CLEC2D: variants seen among roughly 807,000 people sequenced by gnomAD.
CLEC2D encodes the protein C-type lectin domain family 2 member D, also known as C-type lectin related f.
In CLEC2D, 16 loss-of-function variants were observed where a neutral mutation model predicts 20.0. The ratio of observed to expected loss-of-function variants is 0.80; its 90% CI spans 0.54 to 1.22. The LOEUF (loss-of-function observed/expected upper bound fraction) is 1.22. CLEC2D is among the 50% of genes most tolerant of loss of function. CLEC2D has a pLI of 0.00. For missense variants in CLEC2D, 207 were observed against 221.5 expected, an observed-to-expected ratio of 0.93 and a Z score of 0.42; for synonymous variants, 77 against 71.1, an observed-to-expected ratio of 1.08 and a Z score of -0.42.
chr12:9,674,677 TTAATG>T (rs1367772713), intron 1 of CLEC2D, among the ~76,000 whole-genome samples: 1 of 152,266 alleles, frequency 6.6e-6, no homozygotes, highest in Non-Finnish European at 1.5e-5. Flanking sequence ...TGTTAATGTT[TTAATG>T]TAACACTTAA....
At chr12:9,672,171 A>G (rs1865437304) in intron 1 of CLEC2D, among the ~76,000 whole-genome samples, 1 of 17,362 alleles carries the variant, frequency 5.8e-5, no homozygotes, top group South Asian at 0.024. Flanking sequence ...GAGCACATGC[A>G]TAAGAAAGAG....
rs1188269405 is a variant in CLEC2D, at chr12:9,694,827, TAC to T, written c.533_534del (p.Thr178ArgfsTer35). On this transcript the variant is annotated frameshift_variant, in exon 5 of 5. Coordinates refer to ENST00000290855, the MANE Select transcript of CLEC2D (RefSeq NM_013269.6). LOFTEE classifies it high-confidence loss of function. ...NDKGASSARH[Y>X]TERKWICSKS... ...CAAAGGTGCCAGTAGTGCCAGGCAC[TAC>T]ACAGAGAGGAAGTGGATTTGTTCCA... 1 of 1,612,224 alleles carries T rather than the reference TAC, an allele frequency of 6.2e-7. No homozygotes were observed. Among genetic ancestry groups the T allele is most frequent in the Non-Finnish European group, 8.5e-7 (1 of 1,178,426 alleles).
intron 3 of CLEC2D, among the ~76,000 whole-genome samples, chr12:9,690,542 C>A (rs1401892798): frequency 1.3e-5 from 2 of 151,936 alleles, no homozygotes; most frequent in African/African-American, 2.4e-5. Flanking sequence ...TCTATAACTT[C>A]ATAGGCAAAT....
intron 2 of CLEC2D, among the ~76,000 whole-genome samples, chr12:9,685,457 G>T (rs773192912): frequency 1.3e-4 from 20 of 152,350 alleles, no homozygotes; most frequent in Non-Finnish European, 1.9e-4. Context: ...TTTCCCCCAG[G>T]TGCTCTGTCC....
At position 9,697,440 on chromosome 12, in the gene CLEC2D, A is replaced by T. The variant is rs548002395; in HGVS notation, c.*2566A>T. 2 of 152,170 alleles carry T rather than the reference A, an allele frequency of 1.3e-5. No homozygotes were observed. The highest frequency in any genetic ancestry group is 2.4e-5 in the African/African-American group (1 of 41,424). 9.4% of individuals were successfully genotyped at this position (152,170 alleles called of 1,614,324 possible). Reference sequence around the variant, plus strand: ...AATATCTATAGAAACAATGCTAATGACTGGCTTGCTGTTAATAAATACATG... The same window carrying T: ...AATATCTATAGAAACAATGCTAATGTCTGGCTTGCTGTTAATAAATACATG... On this transcript the variant is annotated 3_prime_UTR_variant, in exon 5 of 5. Coordinates refer to ENST00000290855, the MANE Select transcript of CLEC2D (RefSeq NM_013269.6).
chr12:9,681,743 T>C (rs1307883371), intron 2 of CLEC2D, among the ~76,000 whole-genome samples: 1 of 152,210 alleles, frequency 6.6e-6, no homozygotes, highest in Non-Finnish European at 1.5e-5. Context: ...CTTCAAATAC[T>C]GCTTACGTAA....
At chr12:9,669,823 T>G (rs983403596) in intron 1 of CLEC2D, 28 bp downstream of exon 1, 1 of 1,562,744 alleles carries the variant, frequency 6.4e-7, no homozygotes, top group Non-Finnish European at 8.8e-7. Flanking sequence ...ACAGAGTAAG[T>G]GTGAGGACTG....
chr12:9,679,349 T>A (rs1865587229), intron 1 of CLEC2D, among the ~76,000 whole-genome samples: 1 of 152,120 alleles, frequency 6.6e-6, no homozygotes, highest in Non-Finnish European at 1.5e-5. Context: ...ACTTTTTTGT[T>A]TTTTGATATA....
intron 1 of CLEC2D, chr12:9,680,225 A>C: frequency 2.9e-6 from 1 of 349,342 alleles, no homozygotes; most frequent in East Asian, 9.7e-5. Flanking sequence ...GAAGAAGAAC[A>C]CGTTTGCTTC....
intron 2 of CLEC2D, 147 bp from the exon 3 acceptor site, chr12:9,687,755 T>G: frequency 2.2e-6 from 1 of 459,576 alleles, no homozygotes; most frequent in Non-Finnish European, 3.5e-6. Flanking sequence ...CAATTATATT[T>G]AGCATCATAT....
chr12:9,678,931 T>C (rs1200442227), intron 1 of CLEC2D, among the ~76,000 whole-genome samples: 1 of 152,222 alleles, frequency 6.6e-6, no homozygotes, highest in Non-Finnish European at 1.5e-5. Context: ...CAATTATACT[T>C]TAAAAATGTG....
At position 9,696,737 on chromosome 12, in the gene CLEC2D, C is replaced by CGGAA. The variant is rs1565473878; in HGVS notation, c.*1864_*1867dup. 2 of 154,546 alleles carry CGGAA rather than the reference C, an allele frequency of 1.3e-5. No individual in the cohort carries two copies. Among genetic ancestry groups the CGGAA allele is most frequent in the African/African-American group, 4.8e-5 (2 of 41,522 alleles). 9.6% of individuals were successfully genotyped at this position (154,546 alleles called of 1,614,324 possible). On this transcript the variant is annotated 3_prime_UTR_variant, in exon 5 of 5. Coordinates refer to ENST00000290855, the MANE Select transcript of CLEC2D (RefSeq NM_013269.6). ...AGCATTGGTGAGAGTGTGGAGAAGACGGAACCCTTGTACACAGTTGGTGGG... is the reference window on the plus strand; with the variant it reads ...AGCATTGGTGAGAGTGTGGAGAAGACGGAAGGAACCCTTGTACACAGTTGGTGGG...
rs142016017 is a variant in CLEC2D, at chr12:9,693,113, A to T, written c.461+182A>T. On this transcript the variant is annotated intron_variant, in intron 4 of 4. Coordinates refer to ENST00000290855, the MANE Select transcript of CLEC2D (RefSeq NM_013269.6). ...TCCTCGAATGAATCCAAGACCTGTC[A>T]TGGTGAGGTAGACTGACTGTGAACT... is the stretch of plus-strand genomic sequence containing the variant. 4.4e-6 allele frequency: 7 copies of T among 1,608,690 alleles called. No homozygotes were observed. In the Admixed American group the frequency reaches 8.3e-5, roughly 19 times the overall value.
intron 1 of CLEC2D, among the ~76,000 whole-genome samples, chr12:9,678,338 T>C (rs1461222903): frequency 6.6e-6 from 1 of 152,206 alleles, no homozygotes; most frequent in African/African-American, 2.4e-5. Flanking sequence ...TATATATTCA[T>C]GATCCATTTA....
intron 1 of CLEC2D, among the ~76,000 whole-genome samples, chr12:9,678,495 C>T (rs1865569569): frequency 6.6e-6 from 1 of 151,916 alleles, no homozygotes. Flanking sequence ...ATATTTCTTT[C>T]TGTTTTCTAT....
At chr12:9,690,565 T>A (rs1190056107) in intron 3 of CLEC2D, among the ~76,000 whole-genome samples, 6 of 152,066 alleles carry the variant, frequency 3.9e-5, no homozygotes, top group African/African-American at 1.4e-4. Context: ...ATAAAAATTA[T>A]AAATATGATA....
In CLEC2D at chr12:9,695,877, T is replaced by C. The variant is rs111382828; in HGVS notation, c.*1003T>C. 1.5e-4 allele frequency: 132 copies of C among 902,012 alleles called. No homozygotes were observed. In the African/African-American group the frequency reaches 1.9e-3, roughly 13 times the overall value. 55.9% of individuals were successfully genotyped at this position (902,012 alleles called of 1,614,324 possible). A position where few individuals can be genotyped will look rare whatever the true frequency, so the allele number is the denominator to read the frequency against. On this transcript the variant is annotated 3_prime_UTR_variant, in exon 5 of 5. Coordinates refer to ENST00000290855, the MANE Select transcript of CLEC2D (RefSeq NM_013269.6). ...CTGCTGATGATGATGATGATGAAGA[T>C]GATGATGATGATGATGACGAGGAAG...
At chr12:9,678,083 G>T (rs986414628) in intron 1 of CLEC2D, among the ~76,000 whole-genome samples, 1 of 152,078 alleles carries the variant, frequency 6.6e-6, no homozygotes, top group Admixed American at 6.5e-5. Flanking sequence ...TGAATTCATC[G>T]ATTTCTCCTT....
At chr12:9,692,496 G>C (rs980128698) in intron 3 of CLEC2D, among the ~76,000 whole-genome samples, 48 of 152,182 alleles carry the variant, frequency 3.2e-4, no homozygotes, top group Admixed American at 2.8e-3. Context: ...TCTAGGACAG[G>C]TGCCAAGAAT....
Sources: allele counts gnomAD v4.1 joint callset (sites outside exome capture counted in the v4.1 genomes callset), GRCh38; gene constraint gnomAD v4.1.1; transcripts MANE v1.5; gene names NCBI Gene and HGNC (gene_info 2026-07-23, HGNC 2026-07-21).